The following SPI1 variants were observed in gnomAD, a reference collection of about 807,000 sequenced individuals.
The protein encoded by SPI1 is transcription factor PU.1.
In SPI1, 3 loss-of-function variants were observed where a neutral mutation model predicts 30.7. The observed-to-expected ratio is 0.10, with a 90% CI of 0.04 to 0.25. SPI1 has a LOEUF of 0.25. SPI1 is among the 10% of genes least tolerant of loss of function. SPI1 has a pLI of 1.00. For missense variants in SPI1, 261 were observed against 371.5 expected (o/e 0.70, Z 2.45); for synonymous variants, 169 against 157.1 (o/e 1.08, Z -0.56).
chr11:47,372,401 C>T (rs866763927), intron 2 of SPI1, among the ~76,000 whole-genome samples: 74 of 152,128 alleles, frequency 4.9e-4, no homozygotes, highest in African/African-American at 1.7e-3. Context: ...TATTTAATTC[C>T]TTATGTCCCC....
chr11:47,366,084 C>T (rs2095927748), intron 2 of SPI1, among the ~76,000 whole-genome samples: 2 of 152,158 alleles, frequency 1.3e-5, no homozygotes, highest in South Asian at 4.1e-4. Context: ...TACATCCATC[C>T]TTCATCCCCC....
intron 4 of SPI1, among the ~76,000 whole-genome samples, chr11:47,356,803 CACACACCT>C (rs2095910597): frequency 6.6e-6 from 1 of 150,744 alleles, no homozygotes; most frequent in Non-Finnish European, 1.5e-5. Context: ...CACTTGCACG[CACACACCT>C]GCTTACACAC....
chr11:47,358,422 ACATT>A lies in SPI1; in HGVS notation c.493+418_493+421del, dbSNP rs940554819. The A allele has an allele frequency of 3.2e-5, 20 of 631,258 alleles. No individual in the cohort carries two copies. In the African/African-American group the frequency reaches 3.2e-4, roughly 10 times the overall value. The allele number at this position is 631,258 out of a possible 1,614,324, so 39.1% of individuals were successfully genotyped here. A position where few individuals can be genotyped will look rare whatever the true frequency, so the allele number is the denominator to read the frequency against. Reference sequence around the variant, plus strand: ...CACAGCTGCTCACACGCACTGAAATACATTCATGTGTTGACAGACACACAAACAT... The same window carrying A: ...CACAGCTGCTCACACGCACTGAAATACATGTGTTGACAGACACACAAACAT... On this transcript the variant is annotated intron_variant, in intron 4 of 4. Coordinates refer to ENST00000378538, the MANE Select transcript of SPI1 (RefSeq NM_003120.3).
At position 47,378,467 on chromosome 11, in the gene SPI1, C is replaced by G; in HGVS notation, c.-114G>C. Reference sequence around the variant, plus strand: ...ACGGTCGTGGGGCGGGTGCAGGGCTCAGGCCTGCCCCCTGAGCTACAGGAG... The same window carrying G: ...ACGGTCGTGGGGCGGGTGCAGGGCTGAGGCCTGCCCCCTGAGCTACAGGAG... On this transcript the variant is annotated 5_prime_UTR_variant, in exon 1 of 5. Transcript: ENST00000378538. 1.8e-6 allele frequency: 2 copies of G among 1,135,876 alleles called. No homozygotes were observed. Among genetic ancestry groups the G allele is most frequent in the Non-Finnish European group, 2.6e-6 (2 of 781,598 alleles). 70.4% of individuals were successfully genotyped at this position (1,135,876 alleles called of 1,614,324 possible).
In SPI1 at chr11:47,378,521, G is replaced by A. The variant is rs2095945507; in HGVS notation, c.-168C>T. The A allele has an allele frequency of 1.6e-6, 1 of 642,506 alleles. No individual in the cohort carries two copies. The allele number at this position is 642,506 out of a possible 1,614,324, so 39.8% of individuals were successfully genotyped here. A position where few individuals can be genotyped will look rare whatever the true frequency, so the allele number is the denominator to read the frequency against. On this transcript the variant is annotated 5_prime_UTR_variant, in exon 1 of 5. Transcript: ENST00000378538. The stretch of plus-strand genomic sequence containing the variant: ...TGGGTGAGCCCCCTCCCTTGACATT[G>A]CAGGGCCAGCACAAGTTCCTGATTT...
Position 47,359,907 on chromosome 11 carries a change from C to A in SPI1, c.276G>T (p.Gln92His). 6.2e-7 allele frequency: 1 copy of A among 1,610,692 alleles called. No individual in the cohort carries two copies. The highest frequency in any genetic ancestry group is 1.3e-5 in the African/African-American group (1 of 75,034). ...QQLYRHMELE[Q>H]MHVLDTPMVP... ...CCATGGGGGTATCGAGGACGTGCAT[C>A]TGCTCCAGCTCCATGTGGCGGTAGA... is the stretch of plus-strand genomic sequence containing the variant. The change falls in exon 3 of 5, where the codon CAG becomes CAT. Residue 92 changes from glutamine to histidine, a missense_variant. Transcript: ENST00000378538. This position sits in a 1 kb window ranked among gnomAD's most constrained non-coding sequence, Gnocchi z 5.1.
At position 47,357,860 on chromosome 11, in the gene SPI1, C is replaced by T. The variant is rs554648209; in HGVS notation, c.493+984G>A. On this transcript the variant is annotated intron_variant, in intron 4 of 4. Transcript: ENST00000378538. ...GGATACAGGCGTGAGCCACCACGCC[C>T]GGCCCACTCACACCCATTCATGCTC... is the stretch of plus-strand genomic sequence containing the variant. Among the ~76,000 whole-genome samples the T allele has an allele frequency of 2.6e-5, 4 of 152,084 alleles. No homozygotes were observed. The East Asian group carries it at 5.8e-4, about 22-fold the overall frequency.
intron 2 of SPI1, among the ~76,000 whole-genome samples, chr11:47,361,214 C>T (rs2095920337): frequency 6.6e-6 from 1 of 152,216 alleles, no homozygotes; most frequent in Non-Finnish European, 1.5e-5. Flanking sequence ...GTCTCACACA[C>T]ACACACTCAC....
Position 47,374,907 on chromosome 11 carries a change from A to G in SPI1, c.142+726T>C, listed in dbSNP as rs1480178516. On this transcript the variant is annotated intron_variant, in intron 2 of 4. Transcript: ENST00000378538. The surrounding 1 kb of genome is among the most constrained non-coding windows in gnomAD (Gnocchi z 4.5). Reference sequence around the variant, plus strand: ...AGGCCTCTTCCTCCCACTTCAGCAAACTGGGGGCCTCGGCCTCTGCTGAAC... The same window carrying G: ...AGGCCTCTTCCTCCCACTTCAGCAAGCTGGGGGCCTCGGCCTCTGCTGAAC... Among the ~76,000 whole-genome samples, 1 of 152,170 alleles carries G rather than the reference A, an allele frequency of 6.6e-6. No homozygotes were observed. The highest frequency in any genetic ancestry group is 2.4e-5 in the African/African-American group (1 of 41,444).
chr11:47,357,393 C>G (rs1031531072), intron 4 of SPI1, among the ~76,000 whole-genome samples: 4 of 152,088 alleles, frequency 2.6e-5, no homozygotes, highest in Non-Finnish European at 5.9e-5. Context: ...CACGCATGCA[C>G]ATACATTCTG....
chr11:47,370,658 C>T (rs1036433892), intron 2 of SPI1, among the ~76,000 whole-genome samples: 3 of 152,150 alleles, frequency 2.0e-5, no homozygotes, highest in South Asian at 2.1e-4. Flanking sequence ...GCAGAGATTG[C>T]GCCACTGTGC....
rs774905069 is a variant in SPI1 at position 47,359,834 on chromosome 11, G to A, written c.330+19C>T. On this transcript the variant is annotated intron_variant, in intron 3 of 4. Transcript: ENST00000378538. The surrounding 1 kb of genome is among the most constrained non-coding windows in gnomAD (Gnocchi z 5.1). ...GGCCTGGCAGTCTCCTGGGGGACGG[G>A]GCAGGCGGTGGCATGCACCTGGTGG... The A allele has an allele frequency of 6.9e-6, 11 of 1,600,712 alleles. No individual in the cohort carries two copies. Among genetic ancestry groups the A allele is most frequent in the Non-Finnish European group, 9.3e-6 (11 of 1,179,416 alleles).
At position 47,375,396 on chromosome 11, in the gene SPI1, C is replaced by T. The variant is rs537553838; in HGVS notation, c.142+237G>A. Among the ~76,000 whole-genome samples, 4 of 152,336 alleles carry T rather than the reference C, an allele frequency of 2.6e-5. No individual in the cohort carries two copies. In the East Asian group the frequency reaches 7.7e-4, roughly 29 times the overall value. On this transcript the variant is annotated intron_variant, in intron 2 of 4. Coordinates refer to ENST00000378538, the MANE Select transcript of SPI1 (RefSeq NM_003120.3). The surrounding 1 kb of genome is among the most constrained non-coding windows in gnomAD (Gnocchi z 4.2). ...AAGAAGACCACAAGGACAGAACCAG[C>T]AGATAACCATGGAAGAAATGAACCC...
chr11:47,371,520 A>G (rs1355849883), intron 2 of SPI1, among the ~76,000 whole-genome samples: 4 of 149,424 alleles, frequency 2.7e-5, no homozygotes, highest in Non-Finnish European at 4.4e-5. Context: ...ATACAACATT[A>G]GCTGGGCATG....
intron 4 of SPI1, among the ~76,000 whole-genome samples, chr11:47,355,787 G>A (rs1331409852): frequency 7.9e-6 from 1 of 127,244 alleles, no homozygotes; most frequent in African/African-American, 3.1e-5. Context: ...CCCCCCACGC[G>A]CACACACTCG....
At chr11:47,357,415 C>A (rs992988418) in intron 4 of SPI1, among the ~76,000 whole-genome samples, 2 of 152,092 alleles carry the variant, frequency 1.3e-5, no homozygotes, top group Admixed American at 1.3e-4. Context: ...TCATGCATAT[C>A]CACTTGCATG....
At chr11:47,361,440 G>C (rs370384395) in intron 2 of SPI1, among the ~76,000 whole-genome samples, 1 of 152,202 alleles carries the variant, frequency 6.6e-6, no homozygotes. Flanking sequence ...ACTGAAGTCC[G>C]GGGAATAACC....
At position 47,355,377 on chromosome 11, in the gene SPI1, C is replaced by T. The variant is rs2095906509; in HGVS notation, c.663G>A (p.Lys221=). ...HRWGIQKGNR[K]KMTYQKMARA... ...GCGCCATCTTCTGGTAGGTCATCTT[C>T]TTGCGGTTGCCCTTCTGGATGCCCC... The change falls in exon 5 of 5, where the codon AAG becomes AAA. Residue 221 remains lysine, a synonymous_variant. Coordinates refer to ENST00000378538, the MANE Select transcript of SPI1 (RefSeq NM_003120.3). 1 of 1,613,904 alleles carries T rather than the reference C, an allele frequency of 6.2e-7. No individual in the cohort carries two copies. Among genetic ancestry groups the T allele is most frequent in the Non-Finnish European group, 8.5e-7 (1 of 1,179,816 alleles).
Position 47,378,400 on chromosome 11 carries a change from A to G in SPI1, c.-47T>C, listed in dbSNP as rs774674722. 3.8e-6 allele frequency: 6 copies of G among 1,587,742 alleles called. No homozygotes were observed. In the African/African-American group the frequency reaches 8.1e-5, roughly 21 times the overall value. On this transcript the variant is annotated 5_prime_UTR_variant, in exon 1 of 5. Transcript: ENST00000378538. ...CAGATCCCCTGCCTCGGTGGGGGCC[A>G]ATGCAGAGCCCCTCAGGATGGGGTG...
Sources: allele counts gnomAD v4.1 joint callset (sites outside exome capture counted in the v4.1 genomes callset), GRCh38; gene constraint gnomAD v4.1.1; non-coding constraint Gnocchi (gnomAD v3.1); transcripts MANE v1.5; gene names NCBI Gene and HGNC (gene_info 2026-07-23, HGNC 2026-07-21).